Variants in RFC3 observed in about 807,000 individuals in gnomAD.
RFC3 encodes A1 38 kDa subunit.
A neutral mutation model predicts 45.1 loss-of-function variants in RFC3; 41 were observed. That is an observed-to-expected ratio of 0.91 (90% CI 0.71 to 1.18). The LOEUF (loss-of-function observed/expected upper bound fraction) is 1.18, where lower values mean the gene tolerates loss of function less well. RFC3 is among the 50% of genes most tolerant of loss of function. The probability of loss-of-function intolerance (pLI) is 0.00; values close to 1 mark genes in which losing one functional copy is unlikely to be tolerated. For missense variants in RFC3, 423 were observed against 428.1 expected (o/e 0.99, Z 0.10); for synonymous variants, 149 against 144.0 (o/e 1.03, Z -0.25).
chr13:33,931,042 G>C (rs1243592935), intron 8 of RFC3, among the ~76,000 whole-genome samples: 1 of 151,898 alleles, frequency 6.6e-6, no homozygotes, highest in Admixed American at 6.6e-5. Flanking sequence ...GTGTTTCAAT[G>C]TGTCTTTACA....
Position 33,837,172 on chromosome 13 carries a change from A to G in RFC3, c.*877A>G. On this transcript the variant is annotated 3_prime_UTR_variant, in exon 9 of 9. Transcript: ENST00000380071. ...ACCAGTGAAACTATGATCCCAATCAAGGTATAGATGCCGTCACCCCAAAAA... is the reference window on the plus strand; with the variant it reads ...ACCAGTGAAACTATGATCCCAATCAGGGTATAGATGCCGTCACCCCAAAAA... 1 of 553,002 alleles carries G rather than the reference A, an allele frequency of 1.8e-6. No individual in the cohort carries two copies. Among genetic ancestry groups the G allele is most frequent in the Non-Finnish European group, 2.3e-6 (1 of 435,084 alleles). The allele number at this position is 553,002 out of a possible 1,614,324, so 34.3% of individuals were successfully genotyped here. A position where few individuals can be genotyped will look rare whatever the true frequency, so the allele number is the denominator to read the frequency against.
rs577367203 is a variant in RFC3, at chr13:33,911,884, G to A, written c.880-54203G>A. Among the ~76,000 whole-genome samples, 9 of 152,092 alleles carry A rather than the reference G, an allele frequency of 5.9e-5. 1 individual carries two copies. The South Asian group carries it at 1.9e-3, about 32-fold the overall frequency. ...GAATCAAATTTTAACATGAGCTTTGGTGCGGACGAACAAACCATATCCAAA... is the reference window on the plus strand; with the variant it reads ...GAATCAAATTTTAACATGAGCTTTGATGCGGACGAACAAACCATATCCAAA... On this transcript the variant is annotated intron_variant, in intron 8 of 8. Coordinates refer to the RFC3 transcript ENST00000434425.
At chr13:33,966,580 A>C (rs2083089131), downstream of RFC3, 1 of 161,810 alleles carries the variant, frequency 6.2e-6, no homozygotes, top group African/African-American at 2.4e-5. Context: ...CTATTTTCTC[A>C]CAAATATTTT....
At chr13:33,950,579 G>A (rs901914069) in intron 8 of RFC3, among the ~76,000 whole-genome samples, 11 of 152,192 alleles carry the variant, frequency 7.2e-5, no homozygotes, top group Non-Finnish European at 1.0e-4. Flanking sequence ...CCCCAGCCAT[G>A]TTCCCTGGCA....
At chr13:33,853,901 G>A (rs1474339862) in intron 8 of RFC3, among the ~76,000 whole-genome samples, 1 of 152,028 alleles carries the variant, frequency 6.6e-6, no homozygotes, top group Non-Finnish European at 1.5e-5. Flanking sequence ...GTAGAAATCT[G>A]GACAGACTTA....
intron 8 of RFC3, among the ~76,000 whole-genome samples, chr13:33,852,083 A>T (rs1206017040): frequency 6.6e-6 from 1 of 152,222 alleles, no homozygotes; most frequent in Non-Finnish European, 1.5e-5. Flanking sequence ...AATTGCACAA[A>T]TATCTTGAGA....
At chr13:33,844,031 G>A (rs1021858498) in intron 8 of RFC3, among the ~76,000 whole-genome samples, 16 of 152,090 alleles carry the variant, frequency 1.1e-4, no homozygotes, top group African/African-American at 3.4e-4. Context: ...TATGTTGATT[G>A]TCTTTTTCTT....
chr13:33,945,342 A>G (rs1197199657), intron 8 of RFC3, among the ~76,000 whole-genome samples: 1 of 152,216 alleles, frequency 6.6e-6, no homozygotes, highest in African/African-American at 2.4e-5. Context: ...TGAGACTTCA[A>G]AATATCCTTA....
chr13:33,954,291 A>T (rs545803586), intron 8 of RFC3, among the ~76,000 whole-genome samples: 1 of 152,332 alleles, frequency 6.6e-6, no homozygotes, highest in South Asian at 2.1e-4. Context: ...AAGTGTAGCT[A>T]AGGAAAAAGA....
At chr13:33,820,363 G>A (rs943214673) in intron 1 of RFC3, among the ~76,000 whole-genome samples, 3 of 152,214 alleles carry the variant, frequency 2.0e-5, no homozygotes, top group Non-Finnish European at 2.9e-5. Flanking sequence ...TGGAATTAAT[G>A]CTCTTTCTTT....
intron 8 of RFC3, among the ~76,000 whole-genome samples, chr13:33,928,799 G>T (rs1028975147): frequency 9.9e-5 from 15 of 151,146 alleles, no homozygotes; most frequent in African/African-American, 3.7e-4. Flanking sequence ...GTCTGTTACA[G>T]CAAATACTGC....
intron 8 of RFC3, among the ~76,000 whole-genome samples, chr13:33,890,346 T>C (rs1440446388): frequency 6.6e-6 from 1 of 152,206 alleles, no homozygotes; most frequent in African/African-American, 2.4e-5. Context: ...AGAAGCAATA[T>C]CAGAGCTCAT....
intron 8 of RFC3, among the ~76,000 whole-genome samples, chr13:33,921,896 T>G (rs1304385032): frequency 1.3e-5 from 2 of 152,108 alleles, no homozygotes; most frequent in African/African-American, 4.8e-5. Flanking sequence ...TTAAGGGAAT[T>G]ATAGGAGACA....
rs756411029 is a variant in RFC3 at position 33,835,099 on chromosome 13, A to G, written c.810-49A>G. On this transcript the variant is annotated intron_variant, in intron 7 of 8. Coordinates refer to ENST00000380071, the MANE Select transcript of RFC3 (RefSeq NM_002915.4). ...AACCATACAGTGGGAATTTGGAAAA[A>G]TTACCTCTTATTTTCTTCACAAAAT... is the stretch of plus-strand genomic sequence containing the variant. 1.8e-5 allele frequency: 23 copies of G among 1,261,062 alleles called. No individual in the cohort carries two copies. In the South Asian group the frequency reaches 2.2e-4, roughly 12 times the overall value. 78.1% of individuals were successfully genotyped at this position (1,261,062 alleles called of 1,614,324 possible).
intron 8 of RFC3, among the ~76,000 whole-genome samples, chr13:33,893,832 GAGAAAAA>G (rs1265833702): frequency 6.6e-6 from 1 of 151,752 alleles, no homozygotes; most frequent in Non-Finnish European, 1.5e-5. Flanking sequence ...ATGGTTAGGA[GAGAAAAA>G]AGAAAAAAGA....
intron 8 of RFC3, among the ~76,000 whole-genome samples, chr13:33,955,746 G>C (rs749717305): frequency 3.9e-5 from 6 of 152,132 alleles, no homozygotes; most frequent in Non-Finnish European, 7.4e-5. Context: ...TCAAGAAATA[G>C]GTTTCACAGC....
intron 8 of RFC3, among the ~76,000 whole-genome samples, chr13:33,897,602 T>C (rs562471897): frequency 1.3e-5 from 2 of 152,100 alleles, no homozygotes; most frequent in African/African-American, 4.8e-5. Context: ...TAGAATGAAT[T>C]CTCCAATTAA....
chr13:33,866,927 T>G (rs1473648660), intron 8 of RFC3, among the ~76,000 whole-genome samples: 1 of 152,206 alleles, frequency 6.6e-6, no homozygotes, highest in Admixed American at 6.5e-5. Flanking sequence ...CTTGTACATA[T>G]GTGTACATAT....
chr13:33,856,619 G>C (rs1474197063), intron 8 of RFC3, among the ~76,000 whole-genome samples: 2 of 152,188 alleles, frequency 1.3e-5, no homozygotes, highest in Non-Finnish European at 2.9e-5. Context: ...TCTTGAATGA[G>C]AGACGTCTGT....
Sources: gnomAD v4.1 joint callset for allele counts (sites outside exome capture counted in the v4.1 genomes callset) on GRCh38, gnomAD v4.1.1 for gene constraint, MANE v1.5 for transcripts, NCBI Gene and HGNC (gene_info 2026-07-23, HGNC 2026-07-21) for gene names.